CAST: variants seen among roughly 807,000 people sequenced by gnomAD.
The protein encoded by CAST is MIR583 host.
CAST carries 76 observed loss-of-function variants against 119.6 expected under a neutral mutation model. The ratio of observed to expected loss-of-function variants is 0.64; its 90% CI spans 0.53 to 0.77. The LOEUF is 0.77. Among genes scored for constraint, CAST ranks in the 30% least tolerant of loss-of-function variants. The probability of loss-of-function intolerance (pLI) is 0.00; values close to 1 mark genes in which losing one functional copy is unlikely to be tolerated. For synonymous variants in CAST, 319 were observed against 331.6 expected (o/e 0.96, Z 0.41); for missense variants, 953 against 946.5 (o/e 1.01, Z -0.09).
intron 20 of CAST, among the ~76,000 whole-genome samples, chr5:96,752,495 T>G: frequency 6.7e-6 from 1 of 150,070 alleles, no homozygotes; most frequent in East Asian, 1.9e-4. Context: ...GTTGCAACTC[T>G]TAATACTTAA....
chr5:96,572,037 A>G (rs750609750), intron 1 of CAST, among the ~76,000 whole-genome samples: 1 of 152,214 alleles, frequency 6.6e-6, no homozygotes, highest in Admixed American at 6.5e-5. Context: ...CAAATAATAA[A>G]CATTTAAATC....
At chr5:96,313,606 C>T in the CAST span, among the ~76,000 whole-genome samples, 1 of 152,144 alleles carries the variant, frequency 6.6e-6, no homozygotes, top group African/African-American at 2.4e-5. Flanking sequence ...AATAAGATTA[C>T]TTAAACATCC....
At chr5:96,556,284 A>G (rs1207673437) in intron 1 of CAST, among the ~76,000 whole-genome samples, 1 of 152,186 alleles carries the variant, frequency 6.6e-6, no homozygotes, top group African/African-American at 2.4e-5. Flanking sequence ...AAAACTGGAA[A>G]CTCTAAAAAG....
chr5:96,032,010 G>A, the CAST span, among the ~76,000 whole-genome samples: 1 of 152,102 alleles, frequency 6.6e-6, no homozygotes, highest in African/African-American at 2.4e-5. Flanking sequence ...TACCATGTGG[G>A]CCTTTCTGTG....
chr5:96,599,980 A>AC (rs1299980309), intron 1 of CAST, among the ~76,000 whole-genome samples: 1 of 151,530 alleles, frequency 6.6e-6, no homozygotes, highest in East Asian at 1.9e-4. Context: ...AAAAAAAAAA[A>AC]AAACCCTCAA....
At chr5:96,159,898 C>A in the CAST span, among the ~76,000 whole-genome samples, 1 of 151,638 alleles carries the variant, frequency 6.6e-6, no homozygotes, top group South Asian at 2.1e-4. Flanking sequence ...CTTTGGGAGG[C>A]TGAGGCGGGC....
At chr5:96,368,036 A>T in the CAST span, among the ~76,000 whole-genome samples, 1 of 152,124 alleles carries the variant, frequency 6.6e-6, no homozygotes, top group Admixed American at 6.5e-5. Context: ...ATTTGATTAT[A>T]TAAGTATCCA....
At chr5:96,023,310 G>A in the CAST span, among the ~76,000 whole-genome samples, 2 of 152,158 alleles carry the variant, frequency 1.3e-5, no homozygotes, top group East Asian at 1.9e-4. Flanking sequence ...TAGCTCTGTG[G>A]GGTCAGGGTG....
At chr5:96,274,007 A>C in the CAST span, among the ~76,000 whole-genome samples, 1,401 of 152,264 alleles carry the variant, frequency 9.2e-3, 27 homozygotes, top group African/African-American at 0.033. Context: ...TTATTATTTG[A>C]CATCTTAGCA....
chr5:96,109,882 G>A, the CAST span, among the ~76,000 whole-genome samples: 16 of 151,696 alleles, frequency 1.1e-4, no homozygotes, highest in East Asian at 2.5e-3. Context: ...ACATAAAACT[G>A]TGTTTCAAAA....
chr5:96,674,887 C>A (rs1750513002), intron 1 of CAST, among the ~76,000 whole-genome samples: 1 of 151,924 alleles, frequency 6.6e-6, no homozygotes, highest in Admixed American at 6.6e-5. Context: ...TGATCATTAC[C>A]CAATGTATAT....
At chr5:96,392,217 C>G in the CAST span, 1 of 151,456 alleles carries the variant, frequency 6.6e-6, no homozygotes, top group Admixed American at 6.6e-5. Flanking sequence ...TTTCTCCCAA[C>G]ATTTATTTTG....
At chr5:96,681,078 T>C (rs1751364364) in intron 2 of CAST, among the ~76,000 whole-genome samples, 1 of 152,258 alleles carries the variant, frequency 6.6e-6, no homozygotes, top group Non-Finnish European at 1.5e-5. Flanking sequence ...AGTTACAAGA[T>C]TCTTTTCAAC....
the CAST span, among the ~76,000 whole-genome samples, chr5:96,366,779 T>A: frequency 6.6e-6 from 1 of 152,234 alleles, no homozygotes; most frequent in Admixed American, 6.5e-5. Flanking sequence ...TCAAACTTCC[T>A]CCTTTAGCTC....
At chr5:96,506,897 G>A in the CAST span, among the ~76,000 whole-genome samples, 2 of 152,142 alleles carry the variant, frequency 1.3e-5, no homozygotes, top group African/African-American at 4.8e-5. Flanking sequence ...TTCCATATGA[G>A]GCCTGGAAAA....
At chr5:96,141,424 C>A in the CAST span, among the ~76,000 whole-genome samples, 46 of 152,288 alleles carry the variant, frequency 3.0e-4, no homozygotes, top group East Asian at 8.3e-3. Flanking sequence ...ACACTAGTGG[C>A]TTTTTGTGTG....
the CAST span, among the ~76,000 whole-genome samples, chr5:96,120,792 C>T: frequency 6.6e-6 from 1 of 150,412 alleles, no homozygotes; most frequent in Non-Finnish European, 1.5e-5. Flanking sequence ...ATCTCTTTCT[C>T]CTTCCTTGCT....
At chr5:96,454,104 C>A in the CAST span, among the ~76,000 whole-genome samples, 1 of 151,708 alleles carries the variant, frequency 6.6e-6, no homozygotes, top group African/African-American at 2.4e-5. Flanking sequence ...TTTTTTCCAA[C>A]TGTCATATAA....
At chr5:96,572,230 T>G (rs1746582817) in intron 1 of CAST, among the ~76,000 whole-genome samples, 1 of 151,494 alleles carries the variant, frequency 6.6e-6, no homozygotes, top group South Asian at 2.1e-4. Context: ...AGATGGAGTC[T>G]CACTGTGTCT....
Sources: gnomAD v4.1 joint callset for allele counts (sites outside exome capture counted in the v4.1 genomes callset) on GRCh38, gnomAD v4.1.1 for gene constraint, MANE v1.5 for transcripts, NCBI Gene and HGNC (gene_info 2026-07-23, HGNC 2026-07-21) for gene names.